The following ZNF560 variants were observed in gnomAD, a reference collection of about 807,000 sequenced individuals.
ZNF560 encodes zinc finger protein 560.
In ZNF560, 54 loss-of-function variants were observed where a neutral mutation model predicts 81.8. That is an observed-to-expected ratio of 0.66 (90% CI 0.53 to 0.83). ZNF560 has a LOEUF of 0.83. ZNF560 is among the 40% of genes least tolerant of loss of function. The pLI, the probability that ZNF560 is intolerant of heterozygous loss-of-function variation, is 0.00. For synonymous variants in ZNF560, 321 were observed against 317.9 expected (o/e 1.01, Z -0.10); for missense variants, 940 against 932.4 (o/e 1.01, Z -0.11).
At chr19:9,501,499 C>T (rs1398790455), upstream of ZNF560, among the ~76,000 whole-genome samples, 1 of 151,764 alleles carries the variant, frequency 6.6e-6, no homozygotes, top group East Asian at 1.9e-4. Flanking sequence ...GCTGGGACTA[C>T]AGGTGTGCAT....
chr19:9,452,133 G>A, the ZNF560 span, among the ~76,000 whole-genome samples: 2 of 150,720 alleles, frequency 1.3e-5, no homozygotes, highest in African/African-American at 4.9e-5. Context: ...GTTCTCAAAA[G>A]AAGACATACA....
intron 8 of ZNF560, among the ~76,000 whole-genome samples, chr19:9,469,392 G>A (rs904659646): frequency 1.2e-4 from 18 of 152,130 alleles, no homozygotes; most frequent in East Asian, 3.9e-4. Context: ...AGGAAAAGTC[G>A]GAAAAATTGG....
intron 2 of ZNF560, among the ~76,000 whole-genome samples, chr19:9,478,816 T>G (rs978177030): frequency 1.3e-5 from 2 of 151,608 alleles, no homozygotes; most frequent in Admixed American, 1.3e-4. Flanking sequence ...TAGAGAAAAT[T>G]ATTAATCACA....
chr19:9,506,211 T>G, the ZNF560 span, among the ~76,000 whole-genome samples: 1 of 152,214 alleles, frequency 6.6e-6, no homozygotes, highest in East Asian at 1.9e-4. Context: ...CACGCTGGTC[T>G]CGAACTCCTG....
Position 9,468,090 on chromosome 19 carries a change from C to G in ZNF560, c.857G>C (p.Cys286Ser). ...LILNVQVQRKCTQDKSFEGTD... is the reference protein window; with the variant it reads ...LILNVQVQRKSTQDKSFEGTD... Reference sequence around the variant, plus strand: ...GCCTTCAAAGGATTTATCTTGTGTACACTTTCTCTGGACCTGAACATTTAA... The same window carrying G: ...GCCTTCAAAGGATTTATCTTGTGTAGACTTTCTCTGGACCTGAACATTTAA... Residue 286 changes from cysteine (C) to serine (S), a missense_variant, in exon 10 of 10, where the codon TGT becomes TCT. Cys to Ser is a moderately radical substitution (Grantham distance 112). Coordinates refer to ENST00000301480, the MANE Select transcript of ZNF560 (RefSeq NM_152476.3). 1 of 1,614,204 alleles carries G rather than the reference C, an allele frequency of 6.2e-7. No homozygotes were observed. The highest frequency in any genetic ancestry group is 8.5e-7 in the Non-Finnish European group (1 of 1,180,044).
At chr19:9,500,051 C>T (rs2073619430), upstream of ZNF560, among the ~76,000 whole-genome samples, 1 of 151,952 alleles carries the variant, frequency 6.6e-6, no homozygotes, top group African/African-American at 2.4e-5. Context: ...AATTGAGAAA[C>T]CTTTTATTTT....
the ZNF560 span, among the ~76,000 whole-genome samples, chr19:9,459,007 G>A: frequency 4.6e-5 from 7 of 152,196 alleles, no homozygotes; most frequent in Admixed American, 4.6e-4. Context: ...CTTTTGCAGT[G>A]TTTTGTGGTG....
At chr19:9,476,631 C>T (rs2073206697) in intron 2 of ZNF560, among the ~76,000 whole-genome samples, 1 of 152,290 alleles carries the variant, frequency 6.6e-6, no homozygotes, top group East Asian at 1.9e-4. Flanking sequence ...CCCCGGCTTG[C>T]ACCCAATCTC....
At chr19:9,496,311 A>C (rs2073556842) in intron 2 of ZNF560, among the ~76,000 whole-genome samples, 1 of 151,846 alleles carries the variant, frequency 6.6e-6, no homozygotes, top group African/African-American at 2.4e-5. Context: ...GTGACACTGC[A>C]CTCCACCCTG....
chr19:9,462,855 T>C (rs1296896962), downstream of ZNF560, among the ~76,000 whole-genome samples: 1 of 152,130 alleles, frequency 6.6e-6, no homozygotes. Flanking sequence ...ATTTTCTGAG[T>C]AAGGCAAGAT....
rs115428901 is a variant in ZNF560, at chr19:9,480,746, C to A, written c.-56-5377G>T. Among the ~76,000 whole-genome samples, 832 of 151,398 alleles carry A rather than the reference C, an allele frequency of 5.5e-3. 5 individuals are homozygous for A. Among genetic ancestry groups the A allele is most frequent in the African/African-American group, 0.019 (783 of 41,208 alleles). ...ACTGAGCCCAGGAGTTCAAGGCCAG[C>A]CTGAGCAACATAGCAAGGTCCTCAT... On this transcript the variant is annotated intron_variant, in intron 2 of 9. Coordinates refer to ENST00000301480, the MANE Select transcript of ZNF560 (RefSeq NM_152476.3).
the ZNF560 span, among the ~76,000 whole-genome samples, chr19:9,505,234 C>T: frequency 1.3e-5 from 2 of 152,220 alleles, no homozygotes; most frequent in East Asian, 1.9e-4. Context: ...CTTATTACAT[C>T]TCTTGATGAA....
the ZNF560 span, among the ~76,000 whole-genome samples, chr19:9,456,884 A>G: frequency 6.6e-6 from 1 of 152,192 alleles, no homozygotes; most frequent in East Asian, 1.9e-4. Flanking sequence ...TCAACATATG[A>G]TGCATGAAAT....
chr19:9,506,035 C>T, the ZNF560 span, among the ~76,000 whole-genome samples: 1 of 151,960 alleles, frequency 6.6e-6, no homozygotes, highest in South Asian at 2.1e-4. Context: ...CTCTGTTGCC[C>T]AGGCTGGAGT....
At position 9,496,345 on chromosome 19, in the gene ZNF560, C is replaced by CA. The variant is rs200673554; in HGVS notation, c.-57+1782dup. On this transcript the variant is annotated intron_variant, in intron 2 of 9. Coordinates refer to ENST00000301480, the MANE Select transcript of ZNF560 (RefSeq NM_152476.3). ...TGGGCGACAAAATGAATCTCAAAAA[C>CA]AAAAAACAAAAAACAAAAAAACCCC... Among the ~76,000 whole-genome samples the CA allele has an allele frequency of 5.3e-3, 800 of 151,088 alleles. 6 individuals are homozygous for CA. The highest frequency in any genetic ancestry group is 6.8e-3 in the Middle Eastern group (2 of 294).
chr19:9,484,289 TA>T (rs764343651), intron 2 of ZNF560, among the ~76,000 whole-genome samples: 1,673 of 134,310 alleles, frequency 0.012, 17 homozygotes, highest in East Asian at 0.072. Flanking sequence ...AATGATCAAT[TA>T]AAAAAAAAAA....
chr19:9,466,603 C>A lies in ZNF560; in HGVS notation c.2344G>T (p.Ala782Ser). 1 of 1,606,022 alleles carries A rather than the reference C, an allele frequency of 6.2e-7. No individual in the cohort carries two copies. The change falls in exon 10 of 10, where the codon GCT becomes TCT. Residue 782 changes from alanine to serine, a missense_variant. Coordinates refer to ENST00000301480, the MANE Select transcript of ZNF560 (RefSeq NM_152476.3). Reference protein sequence around the residue: ...QCGKAFASFSARIAHLKTH With the variant: ...QCGKAFASFSSRIAHLKTH ...TGTGTTTTCAAATGTGCAATACGAGCTGAGAAAGAAGCAAAGGCTTTCCCA... is the reference window on the plus strand; with the variant it reads ...TGTGTTTTCAAATGTGCAATACGAGATGAGAAAGAAGCAAAGGCTTTCCCA...
rs1438492892 is a variant in ZNF560, at chr19:9,473,402, C to T, written c.158-143G>A. ...TCAAGATCAGCCTAAGATGGTGAAA[C>T]CCCCGTCTCTACTAAAAATACAAAA... On this transcript the variant is annotated intron_variant, in intron 4 of 9. Transcript: ENST00000301480. The T allele has an allele frequency of 1.0e-5, 6 of 575,084 alleles. No individual in the cohort carries two copies. In the South Asian group the frequency reaches 1.2e-4, roughly 12 times the overall value. The allele number at this position is 575,084 out of a possible 1,614,324, so 35.6% of individuals were successfully genotyped here.
chr19:9,449,084 T>C, the ZNF560 span, among the ~76,000 whole-genome samples: 271 of 152,306 alleles, frequency 1.8e-3, 1 homozygote, highest in African/African-American at 6.1e-3. Context: ...CCACTGGCAG[T>C]GTTAGATCAC....
Sources: allele counts gnomAD v4.1 joint callset (sites outside exome capture counted in the v4.1 genomes callset), GRCh38; gene constraint gnomAD v4.1.1; transcripts MANE v1.5; gene names NCBI Gene and HGNC (gene_info 2026-07-23, HGNC 2026-07-21).